Variants in ATP1A3 observed in about 807,000 individuals in gnomAD.
ATP1A3 encodes the protein sodium/potassium-transporting ATPase subunit alpha-3.
A neutral mutation model predicts 108.8 loss-of-function variants in ATP1A3; 12 were observed. The ratio of observed to expected loss-of-function variants is 0.11; its 90% CI spans 0.07 to 0.18. The LOEUF (loss-of-function observed/expected upper bound fraction) is 0.18, where lower values mean the gene tolerates loss of function less well. Ranked by LOEUF, ATP1A3 falls within the 10% of genes least tolerant of loss-of-function variation. The probability of loss-of-function intolerance (pLI) is 1.00; values close to 1 mark genes in which losing one functional copy is unlikely to be tolerated. For missense variants in ATP1A3, 498 were observed against 1,387.7 expected, an observed-to-expected ratio of 0.36 and a Z score of 10.19; for synonymous variants, 539 against 564.5, an observed-to-expected ratio of 0.95 and a Z score of 0.64.
At position 41,993,560 on chromosome 19, in the gene ATP1A3, C is replaced by T. The variant is rs1599731108; in HGVS notation, c.6+511G>A. On this transcript the variant is annotated intron_variant, in intron 1 of 22. Transcript: ENST00000648268. ...ACACACACACACACACTGCGGAGTC[C>T]CCCCATCCAGGCCTGGAAGGAGAAA... is the stretch of plus-strand genomic sequence containing the variant. 6 of 1,269,464 alleles carry T rather than the reference C, an allele frequency of 4.7e-6. No individual in the cohort carries two copies. The East Asian group carries it at 1.0e-4, about 22-fold the overall frequency. 78.6% of individuals were successfully genotyped at this position (1,269,464 alleles called of 1,614,324 possible).
chr19:41,993,921 C>T, intron 1 of ATP1A3, 150 bp downstream of exon 1: 1 of 1,444,606 alleles, frequency 6.9e-7, no homozygotes, highest in Non-Finnish European at 9.4e-7. Context: ...CCCACGACCA[C>T]ATGGATTGGC....
intron 16 of ATP1A3, 57 bp downstream of exon 16, chr19:41,975,572 T>C (rs1461355837): frequency 1.2e-6 from 2 of 1,608,438 alleles, no homozygotes; most frequent in Non-Finnish European, 1.7e-6. Context: ...TTCCCCTTGC[T>C]GGTCTCAGGC....
rs1555862168 is a variant in ATP1A3, at chr19:41,978,325, A to G, written c.1632T>C (p.Gly544=). The G allele has an allele frequency of 6.3e-7, 1 of 1,597,292 alleles. No individual in the cohort carries two copies. The highest frequency in any genetic ancestry group is 8.5e-7 in the Non-Finnish European group (1 of 1,172,514). The change falls in exon 13 of 23, where the codon GGT becomes GGC. Residue 544 remains glycine (G), a splice_region_variant and synonymous_variant. Coordinates refer to ENST00000648268, the MANE Select transcript of ATP1A3 (RefSeq NM_152296.5). This position sits in a 1 kb window ranked among gnomAD's most constrained non-coding sequence, Gnocchi z 8.3. ...ELGGLGERVL[G]FCHYYLPEEQ... ...CCTCGGGCAGGTAATAATGGCAGAA[A>G]CCTAGTGGCAGGGAAGGGTTGGGGT...
chr19:41,972,309 C>T (rs1437391742), intron 16 of ATP1A3, among the ~76,000 whole-genome samples: 3 of 152,054 alleles, frequency 2.0e-5, no homozygotes, highest in East Asian at 3.9e-4. Flanking sequence ...AGCCTGTGGT[C>T]GCAGCTACTT....
Position 41,984,978 on chromosome 19 carries a change from G to T in ATP1A3, c.933C>A (p.Val311=), listed in dbSNP as rs1555864803. The change falls in exon 8 of 23, where the codon GTC becomes GTA. Residue 311 remains valine, a synonymous_variant. Transcript: ENST00000648268. The part of the protein sequence containing the change: ...LILGYTWLEA[V]IFLIGIIVAN... ...CCACGATGATGCCGATGAGGAAGAT[G>T]ACAGCCTCAAGCCAGGTGTATCCGA... is the stretch of plus-strand genomic sequence containing the variant. The T allele has an allele frequency of 6.2e-7, 1 of 1,614,130 alleles. No homozygotes were observed. The highest frequency in any genetic ancestry group is 8.5e-7 in the Non-Finnish European group (1 of 1,179,984).
Position 41,985,192 on chromosome 19 carries a change from G to A in ATP1A3, c.725-6C>T, listed in dbSNP as rs782647558. 6.2e-7 allele frequency: 1 copy of A among 1,613,836 alleles called. No individual in the cohort carries two copies. Among genetic ancestry groups the A allele is most frequent in the Non-Finnish European group, 8.5e-7 (1 of 1,179,880 alleles). ...CACCACGCCCCGAGCCGTGCCTGCA[G>A]GCCAGAGGGGTTAGGCTGAGGTGGG... On this transcript the variant is annotated splice_region_variant and splice_polypyrimidine_tract_variant and intron_variant, in intron 7 of 22. Transcript: ENST00000648268. This position sits in a 1 kb window ranked among gnomAD's most constrained non-coding sequence, Gnocchi z 8.2.
Position 41,985,173 on chromosome 19 carries a change from G to A in ATP1A3, c.738C>T (p.Gly246=), listed in dbSNP as rs894256900. The A allele has an allele frequency of 6.2e-7, 1 of 1,613,226 alleles. No homozygotes were observed. Among genetic ancestry groups the A allele is most frequent in the Non-Finnish European group, 8.5e-7 (1 of 1,179,568 alleles). The part of the protein sequence containing the change: ...STNCVEGTAR[G]VVVATGDRTV... Reference sequence around the variant, plus strand: ...TGCGGTCGCCCGTGGCCACCACCACGCCCCGAGCCGTGCCTGCAGGCCAGA... The same window carrying A: ...TGCGGTCGCCCGTGGCCACCACCACACCCCGAGCCGTGCCTGCAGGCCAGA... Residue 246 remains glycine (G), a synonymous_variant, in exon 8 of 23, where the codon GGC becomes GGT. Transcript: ENST00000648268. The surrounding 1 kb of genome is among the most constrained non-coding windows in gnomAD (Gnocchi z 8.2).
chr19:41,973,467 G>A (rs1340255079), intron 16 of ATP1A3, among the ~76,000 whole-genome samples: 1 of 152,134 alleles, frequency 6.6e-6, no homozygotes, highest in Admixed American at 6.5e-5. Context: ...TGTTGTACAG[G>A]CAGGTCTTGA....
In ATP1A3 at chr19:41,967,328, C is replaced by T; in HGVS notation, c.2934G>A (p.Trp978Ter). The change falls in exon 22 of 23, where the codon TGG (tryptophan) becomes TGA (stop). Residue 978 changes from tryptophan (W) to a stop codon, truncating the protein, a stop_gained. Coordinates refer to ENST00000648268, the MANE Select transcript of ATP1A3 (RefSeq NM_152296.5). LOFTEE classifies it high-confidence loss of function. The surrounding 1 kb of genome is among the most constrained non-coding windows in gnomAD (Gnocchi z 4.2). ...LRMYPLKPSW[W>*]FCAFPYSFLI... Reference sequence around the variant, plus strand: ...GGAAACTGTAGGGGAAGGCACAGAACCACCAGCTGGGCCTGCAGAGGGGAG... The same window carrying T: ...GGAAACTGTAGGGGAAGGCACAGAATCACCAGCTGGGCCTGCAGAGGGGAG... The T allele has an allele frequency of 6.2e-7, 1 of 1,609,178 alleles. No individual in the cohort carries two copies. Among genetic ancestry groups the T allele is most frequent in the Non-Finnish European group, 8.5e-7 (1 of 1,179,970 alleles).
chr19:41,982,116 G>A lies in ATP1A3; in HGVS notation c.994-10C>T, dbSNP rs781783591. On this transcript the variant is annotated splice_polypyrimidine_tract_variant and intron_variant, in intron 8 of 22. Transcript: ENST00000648268. Reference sequence around the variant, plus strand: ...TCAGCGTCAGACACACCTGGAGGACGAGCAAGGGCAGGCAAGTTACAGGGA... The same window carrying A: ...TCAGCGTCAGACACACCTGGAGGACAAGCAAGGGCAGGCAAGTTACAGGGA... The A allele has an allele frequency of 6.2e-6, 10 of 1,613,986 alleles. No homozygotes were observed. In the East Asian group the frequency reaches 1.8e-4, roughly 29 times the overall value.
At chr19:41,992,015 T>TG (rs1253363686) in intron 1 of ATP1A3, among the ~76,000 whole-genome samples, 2 of 70,136 alleles carry the variant, frequency 2.9e-5, no homozygotes, top group South Asian at 1.1e-3. Context: ...GAGGAGGGGC[T>TG]GGGGCCTGGA....
rs782030682 is a variant in ATP1A3 at position 41,975,609 on chromosome 19, G to T, written c.2263+20C>A. ...TCCGGTAGTGACCCTGGTCTCCAGG[G>T]CCACCCCTGGCCAACTCACCCTCCT... On this transcript the variant is annotated intron_variant, in intron 16 of 22. Transcript: ENST00000648268. 2 of 1,613,632 alleles carry T rather than the reference G, an allele frequency of 1.2e-6. No individual in the cohort carries two copies. Among genetic ancestry groups the T allele is most frequent in the Non-Finnish European group, 1.7e-6 (2 of 1,179,914 alleles).
chr19:41,982,932 G>A (rs1377134189), intron 8 of ATP1A3, among the ~76,000 whole-genome samples: 1 of 152,154 alleles, frequency 6.6e-6, no homozygotes, highest in Non-Finnish European at 1.5e-5. Context: ...GGGGCTTCAG[G>A]GAGACGCAGT....
intron 16 of ATP1A3, among the ~76,000 whole-genome samples, chr19:41,972,819 AAGG>A (rs1182605879): frequency 2.4e-5 from 3 of 125,988 alleles, no homozygotes; most frequent in Non-Finnish European, 5.0e-5. Context: ...GGAAGGAAGG[AAGG>A]AAGGAAGGAA....
chr19:41,976,638 A>G lies in ATP1A3; in HGVS notation c.1944-72T>C, dbSNP rs1279676028. 1.0e-5 allele frequency: 16 copies of G among 1,599,524 alleles called. 1 individual carries two copies. The East Asian group carries it at 3.4e-4, about 34-fold the overall frequency. On this transcript the variant is annotated intron_variant, in intron 14 of 22. Transcript: ENST00000648268. ...AGTGGCAAAGTGATCCCTGAAAGAC[A>G]GAGAAACAGAGGGGCCAGCCCCACA... is the stretch of plus-strand genomic sequence containing the variant.
rs769525784 is a variant in ATP1A3, at chr19:41,994,224, A to C, written c.-148T>G. 621 of 729,814 alleles carry C rather than the reference A, an allele frequency of 8.5e-4. No homozygotes were observed. The highest frequency in any genetic ancestry group is 9.4e-4 in the Non-Finnish European group (466 of 494,814). The allele number at this position is 729,814 out of a possible 1,614,324, so 45.2% of individuals were successfully genotyped here. A position where few individuals can be genotyped will look rare whatever the true frequency, so the allele number is the denominator to read the frequency against. On this transcript the variant is annotated 5_prime_UTR_variant, in exon 1 of 23. Transcript: ENST00000648268. ...CGTCCGTCCGTTGGTCCCACCGCAC[A>C]GAGGCTGCGGCGGCCGCCGCCTCCG... is the stretch of plus-strand genomic sequence containing the variant.
intron 4 of ATP1A3, chr19:41,986,505 T>G (rs1185419269): frequency 5.0e-5 from 18 of 363,408 alleles, no homozygotes; most frequent in Admixed American, 3.4e-4. Flanking sequence ...TGCAATGGCA[T>G]GATCTTGGCT....
At position 41,981,436 on chromosome 19, in the gene ATP1A3, C is replaced by T; in HGVS notation, c.1437+66G>A. 1.2e-6 allele frequency: 2 copies of T among 1,611,682 alleles called. No homozygotes were observed. The highest frequency in any genetic ancestry group is 1.7e-5 in the Admixed American group (1 of 60,016). On this transcript the variant is annotated intron_variant, in intron 11 of 22. Coordinates refer to ENST00000648268, the MANE Select transcript of ATP1A3 (RefSeq NM_152296.5). The surrounding 1 kb of genome is among the most constrained non-coding windows in gnomAD (Gnocchi z 5.0). ...AGACGGGAAAATCAAGGCTCTATGACACCTCTTTACAGGCGTCATAAGGAA... is the reference window on the plus strand; with the variant it reads ...AGACGGGAAAATCAAGGCTCTATGATACCTCTTTACAGGCGTCATAAGGAA...
intron 4 of ATP1A3, chr19:41,986,603 G>C: frequency 3.6e-6 from 1 of 279,026 alleles, no homozygotes; most frequent in Non-Finnish European, 7.0e-6. Context: ...CACCACACCT[G>C]GCTAATTTTG....
Sources: allele counts gnomAD v4.1 joint callset (sites outside exome capture counted in the v4.1 genomes callset), GRCh38; gene constraint gnomAD v4.1.1; non-coding constraint Gnocchi (gnomAD v3.1); transcripts MANE v1.5; gene names NCBI Gene and HGNC (gene_info 2026-07-23, HGNC 2026-07-21).